The following DIP2B variants were observed in gnomAD, a reference collection of about 807,000 sequenced individuals.
DIP2B encodes the protein disco-interacting protein 2 homolog B.
In DIP2B, 76 loss-of-function variants were observed where a neutral mutation model predicts 198.0. The ratio of observed to expected loss-of-function variants is 0.38; its 90% CI spans 0.32 to 0.46. The LOEUF (loss-of-function observed/expected upper bound fraction) is 0.46. DIP2B is among the 20% of genes least tolerant of loss of function. DIP2B has a pLI of 0.99. For missense variants in DIP2B, 1,559 were observed against 1,978.4 expected, an observed-to-expected ratio of 0.79 and a Z score of 4.02; for synonymous variants, 701 against 739.1, an observed-to-expected ratio of 0.95 and a Z score of 0.84.
rs564140713 is a variant in DIP2B at position 50,610,926 on chromosome 12, G to T, written c.101-15050G>T. 4.0e-5 allele frequency among the ~76,000 whole-genome samples: 6 copies of T among 151,876 alleles called. No homozygotes were observed. In the East Asian group the frequency reaches 1.2e-3, roughly 29 times the overall value. Reference sequence around the variant, plus strand: ...GCAGTTCTCTGTCTCAGCCTCCTGAGTAGCTGGGATTACAGGAGCCTGCCA... The same window carrying T: ...GCAGTTCTCTGTCTCAGCCTCCTGATTAGCTGGGATTACAGGAGCCTGCCA... On this transcript the variant is annotated intron_variant, in intron 1 of 37. Transcript: ENST00000301180.
At chr12:50,526,916 G>A (rs1336717605) in intron 1 of DIP2B, among the ~76,000 whole-genome samples, 2 of 152,082 alleles carry the variant, frequency 1.3e-5, no homozygotes, top group Non-Finnish European at 2.9e-5. Flanking sequence ...GATTACAGGC[G>A]TGAGCCACTG....
At chr12:50,675,796 A>T (rs1051705115) in intron 7 of DIP2B, among the ~76,000 whole-genome samples, 6 of 152,208 alleles carry the variant, frequency 3.9e-5, no homozygotes, top group African/African-American at 1.4e-4. Context: ...TCAGCCTCAA[A>T]AGTTTGCCTA....
At chr12:50,701,098 A>G (rs1939409466) in intron 19 of DIP2B, among the ~76,000 whole-genome samples, 1 of 152,234 alleles carries the variant, frequency 6.6e-6, no homozygotes, top group African/African-American at 2.4e-5. Context: ...TACCTTTCCA[A>G]TGAGGCAGTT....
At chr12:50,716,603 CT>C (rs753738206) in intron 23 of DIP2B, among the ~76,000 whole-genome samples, 167 of 152,296 alleles carry the variant, frequency 1.1e-3, no homozygotes, top group Non-Finnish European at 7.6e-4. Flanking sequence ...CTTTACCCAG[CT>C]TCCCCAAATA....
chr12:50,630,055 TTCTCC>T (rs911371830), intron 2 of DIP2B, among the ~76,000 whole-genome samples: 1 of 151,784 alleles, frequency 6.6e-6, no homozygotes, highest in African/African-American at 2.4e-5. Flanking sequence ...GTTCAAGCGA[TTCTCC>T]TGCCTCAGCC....
At position 50,678,699 on chromosome 12, in the gene DIP2B, C is replaced by G; in HGVS notation, c.937C>G (p.Gln313Glu). The G allele has an allele frequency of 1.2e-6, 2 of 1,614,134 alleles. No individual in the cohort carries two copies. The highest frequency in any genetic ancestry group is 1.7e-6 in the Non-Finnish European group (2 of 1,180,008). Residue 313 changes from glutamine (Q) to glutamate (E), a missense_variant, in exon 8 of 38, where the codon CAG becomes GAG. By Grantham distance (29) the Gln-to-Glu change is conservative. Transcript: ENST00000301180. Reference protein sequence around the residue: ...IVEVPQPDPNQPKPEGRQMTP... With the variant: ...IVEVPQPDPNEPKPEGRQMTP... ...TACAGTACCTCAGCCAGACCCCAAC[C>G]AGCCCAAGCCGGAGGGACGGCAGAT... is the stretch of plus-strand genomic sequence containing the variant.
At chr12:50,588,911 G>A (rs1417001811) in intron 1 of DIP2B, among the ~76,000 whole-genome samples, 10 of 152,066 alleles carry the variant, frequency 6.6e-5, no homozygotes, top group East Asian at 1.9e-4. Context: ...TGTGCTGGGC[G>A]CGGTGGCTCA....
At position 50,645,900 on chromosome 12, in the gene DIP2B, C is replaced by T. The variant is rs556678280; in HGVS notation, c.301+5048C>T. Among the ~76,000 whole-genome samples, 3 of 151,900 alleles carry T rather than the reference C, an allele frequency of 2.0e-5. No individual in the cohort carries two copies. The South Asian group carries it at 6.2e-4, about 32-fold the overall frequency. On this transcript the variant is annotated intron_variant, in intron 3 of 37. Coordinates refer to ENST00000301180, the MANE Select transcript of DIP2B (RefSeq NM_173602.3). ...AAACATATGCTACTATGTTTATAGA[C>T]ATGGAGACCTGGAAAAATATATACC... is the stretch of plus-strand genomic sequence containing the variant.
chr12:50,584,861 G>C (rs1432850789), intron 1 of DIP2B, among the ~76,000 whole-genome samples: 1 of 152,162 alleles, frequency 6.6e-6, no homozygotes, highest in Non-Finnish European at 1.5e-5. Context: ...ACCGCGCCTG[G>C]CCAAAAATGT....
chr12:50,535,119 C>T (rs945154268), intron 1 of DIP2B, among the ~76,000 whole-genome samples: 1 of 152,084 alleles, frequency 6.6e-6, no homozygotes, highest in Non-Finnish European at 1.5e-5. Context: ...GTAGTCCCAG[C>T]TACCCGGGAT....
At chr12:50,594,526 G>A (rs920067771) in intron 1 of DIP2B, among the ~76,000 whole-genome samples, 1 of 152,162 alleles carries the variant, frequency 6.6e-6, no homozygotes, top group Non-Finnish European at 1.5e-5. Context: ...GAATTCAGCA[G>A]AATTTTCTTT....
chr12:50,585,737 C>A (rs1565833987), intron 1 of DIP2B, among the ~76,000 whole-genome samples: 1 of 152,130 alleles, frequency 6.6e-6, no homozygotes, highest in African/African-American at 2.4e-5. Flanking sequence ...TAGACGTGAT[C>A]TAATTTACAT....
rs111842454 is a variant in DIP2B at position 50,670,506 on chromosome 12, C to T, written c.428-680C>T. On this transcript the variant is annotated intron_variant, in intron 4 of 37. Coordinates refer to ENST00000301180, the MANE Select transcript of DIP2B (RefSeq NM_173602.3). ...TCGTGGCTCACCGAAACCTCTGCCT[C>T]CGAGGTTCAAACGATTCTCCTGCTT... Among the ~76,000 whole-genome samples the T allele has an allele frequency of 9.6e-3, 1,458 of 152,226 alleles. 15 individuals carry two copies. The highest frequency in any genetic ancestry group is 0.062 in the Middle Eastern group (18 of 292).
At chr12:50,532,268 A>G (rs946675221) in intron 1 of DIP2B, among the ~76,000 whole-genome samples, 3 of 152,090 alleles carry the variant, frequency 2.0e-5, no homozygotes, top group Non-Finnish European at 2.9e-5. Flanking sequence ...TAATCCCAGC[A>G]CTTTGGGAGG....
At position 50,703,252 on chromosome 12, in the gene DIP2B, T is replaced by A. The variant is rs920928290; in HGVS notation, c.2326-888T>A. ...TAAAAAAAAAAAAAGATTTTTTTTT[T>A]AATAAATTAACAATAGGATATATTT... On this transcript the variant is annotated intron_variant, in intron 19 of 37. Coordinates refer to ENST00000301180, the MANE Select transcript of DIP2B (RefSeq NM_173602.3). Among the ~76,000 whole-genome samples, 30 of 151,952 alleles carry A rather than the reference T, an allele frequency of 2.0e-4. No homozygotes were observed. In the South Asian group the frequency reaches 2.1e-3, roughly 11 times the overall value.
At chr12:50,524,812 T>G (rs575383665) in intron 1 of DIP2B, among the ~76,000 whole-genome samples, 4 of 152,268 alleles carry the variant, frequency 2.6e-5, no homozygotes, top group African/African-American at 9.6e-5. Flanking sequence ...AACTGCAGCT[T>G]CCTCTTCCTG....
chr12:50,522,803 GA>G (rs1232958098), intron 1 of DIP2B, among the ~76,000 whole-genome samples: 1 of 152,158 alleles, frequency 6.6e-6, no homozygotes, highest in Non-Finnish European at 1.5e-5. Flanking sequence ...TCGTCTGAAA[GA>G]AACATTCCCA....
At chr12:50,625,737 A>G (rs189911850) in intron 1 of DIP2B, among the ~76,000 whole-genome samples, 1 of 152,266 alleles carries the variant, frequency 6.6e-6, no homozygotes, top group East Asian at 1.9e-4. Context: ...GGTATACAAC[A>G]TATTGCTATG....
rs1371279340 is a variant in DIP2B at position 50,728,470 on chromosome 12, C to G, written c.3511-78C>G. The G allele has an allele frequency of 2.6e-6, 4 of 1,518,448 alleles. No homozygotes were observed. The African/African-American group carries it at 5.5e-5, about 21-fold the overall frequency. 94.1% of individuals were successfully genotyped at this position (1,518,448 alleles called of 1,614,324 possible). A position where few individuals can be genotyped will look rare whatever the true frequency, so the allele number is the denominator to read the frequency against. ...TTGAGGAGTTTAGGGAATTGAAACT[C>G]CTCAAAGCTGTCGTCAGAGCTGTTA... On this transcript the variant is annotated intron_variant, in intron 29 of 37. Transcript: ENST00000301180.
Sources: gnomAD v4.1 joint callset for allele counts (sites outside exome capture counted in the v4.1 genomes callset) on GRCh38, gnomAD v4.1.1 for gene constraint, MANE v1.5 for transcripts, NCBI Gene and HGNC (gene_info 2026-07-23, HGNC 2026-07-21) for gene names.